Variants in GLIS3 observed in about 807,000 individuals in gnomAD.
GLIS3 encodes the protein GLIS family zinc finger 3.
In GLIS3, 53 loss-of-function variants were observed where a neutral mutation model predicts 78.6. That is an observed-to-expected ratio of 0.67 (90% CI 0.54 to 0.85). The LOEUF is 0.85. GLIS3 is among the 40% of genes least tolerant of loss of function. The pLI is 0.00. For synonymous variants in GLIS3, 684 were observed against 509.9 expected (o/e 1.34, Z -4.60); for missense variants, 1,703 against 1,231.1 (o/e 1.38, Z -5.74).
In GLIS3 at chr9:4,118,605, G is replaced by T. The variant is rs993965601; in HGVS notation, c.873C>A (p.Thr291=). 1.9e-6 allele frequency: 3 copies of T among 1,614,224 alleles called. No individual in the cohort carries two copies. The highest frequency in any genetic ancestry group is 2.5e-6 in the Non-Finnish European group (3 of 1,180,034). The change falls in exon 4 of 11, where the codon ACC becomes ACA. Residue 291 remains threonine (T), a synonymous_variant. Coordinates refer to ENST00000381971, the MANE Select transcript of GLIS3 (RefSeq NM_001042413.2). This position sits in a 1 kb window ranked among gnomAD's most constrained non-coding sequence, Gnocchi z 4.7. ...SPYPSPRHSS[T]RSHSARSKKR... Reference sequence around the variant, plus strand: ...TCTTGGAGCGGGCCGAGTGGGACCTGGTGGATGAGTGCCGAGGACTAGGGT... The same window carrying T: ...TCTTGGAGCGGGCCGAGTGGGACCTTGTGGATGAGTGCCGAGGACTAGGGT...
At chr9:4,234,020 T>C (rs1218223638) in intron 2 of GLIS3, among the ~76,000 whole-genome samples, 1 of 152,232 alleles carries the variant, frequency 6.6e-6, no homozygotes, top group African/African-American at 2.4e-5. Flanking sequence ...TCAGCCTTTG[T>C]AACACTGAAG....
chr9:4,217,123 G>T (rs542186532), intron 2 of GLIS3, among the ~76,000 whole-genome samples: 1 of 152,070 alleles, frequency 6.6e-6, no homozygotes, highest in African/African-American at 2.4e-5. Context: ...AATTAAATGC[G>T]GTCTGGAAAC....
chr9:3,943,611 G>A (rs929652182), intron 4 of GLIS3, among the ~76,000 whole-genome samples: 11 of 152,236 alleles, frequency 7.2e-5, no homozygotes, highest in Admixed American at 4.6e-4. Context: ...AGGGAAATCA[G>A]TGTAACCCAA....
chr9:4,335,189 T>C (rs903372309), intron 2 of GLIS3, among the ~76,000 whole-genome samples: 1 of 152,188 alleles, frequency 6.6e-6, no homozygotes, highest in Admixed American at 6.5e-5. Flanking sequence ...ATTACAGGCA[T>C]GAGCCACCGT....
chr9:3,849,678 C>T (rs567543034), intron 9 of GLIS3, among the ~76,000 whole-genome samples: 2 of 152,170 alleles, frequency 1.3e-5, no homozygotes, highest in South Asian at 2.1e-4. Context: ...GAGGCTGGGG[C>T]GGGTGGATCA....
intron 2 of GLIS3, among the ~76,000 whole-genome samples, chr9:4,224,724 T>C (rs952746471): frequency 1.3e-5 from 2 of 151,400 alleles, no homozygotes; most frequent in African/African-American, 4.8e-5. Context: ...TTTTTCTGTT[T>C]TTTTTTTTTT....
chr9:4,113,295 TA>T (rs1393207520), intron 4 of GLIS3, among the ~76,000 whole-genome samples: 1 of 152,106 alleles, frequency 6.6e-6, no homozygotes, highest in South Asian at 2.1e-4. Flanking sequence ...ACAAAAGCAA[TA>T]AACACCTTTT....
At chr9:4,385,621 C>T in the GLIS3 span, among the ~76,000 whole-genome samples, 24 of 134,160 alleles carry the variant, frequency 1.8e-4, 1 homozygote, top group Non-Finnish European at 2.6e-4. Flanking sequence ...GCTGAGATCA[C>T]GCTATTGCAC....
chr9:3,959,556 T>A (rs1462147414), intron 4 of GLIS3, among the ~76,000 whole-genome samples: 1 of 152,096 alleles, frequency 6.6e-6, no homozygotes, highest in South Asian at 2.1e-4. Flanking sequence ...TGTGATCCAA[T>A]CTCTGCCACA....
chr9:3,833,775 C>G (rs1270996002), intron 9 of GLIS3, among the ~76,000 whole-genome samples: 1 of 152,160 alleles, frequency 6.6e-6, no homozygotes, highest in African/African-American at 2.4e-5. Context: ...AATCACCCCT[C>G]TACTTTAAAA....
At chr9:4,398,206 T>C in the GLIS3 span, among the ~76,000 whole-genome samples, 1 of 144,840 alleles carries the variant, frequency 6.9e-6, no homozygotes, top group African/African-American at 2.6e-5. Context: ...CCTCACAAAA[T>C]TGCTGAGGCA....
intron 1 of GLIS3, chr9:4,347,319 G>C (rs1817909027): frequency 4.6e-5 from 7 of 152,074 alleles, no homozygotes; most frequent in Admixed American, 4.6e-4. Flanking sequence ...CTACTCATGA[G>C]GGATCTGCCC....
At chr9:4,394,259 T>G in the GLIS3 span, among the ~76,000 whole-genome samples, 2 of 151,612 alleles carry the variant, frequency 1.3e-5, no homozygotes, top group Non-Finnish European at 2.9e-5. Context: ...TTAAAAATTA[T>G]TATCTCATAA....
At chr9:4,487,089 T>C in the GLIS3 span, among the ~76,000 whole-genome samples, 5 of 152,172 alleles carry the variant, frequency 3.3e-5, no homozygotes, top group Admixed American at 6.5e-5. Flanking sequence ...ATTCTCCACC[T>C]ACTGGGTTCA....
At chr9:4,181,456 G>A (rs375346934) in intron 2 of GLIS3, among the ~76,000 whole-genome samples, 19 of 152,302 alleles carry the variant, frequency 1.2e-4, no homozygotes, top group African/African-American at 4.3e-4. Context: ...CTGCCATGCT[G>A]GCTTACACAG....
intron 2 of GLIS3, among the ~76,000 whole-genome samples, chr9:4,165,269 C>T (rs1365740017): frequency 6.6e-6 from 1 of 151,580 alleles, no homozygotes; most frequent in African/African-American, 2.4e-5. Flanking sequence ...GGTGAAACCC[C>T]ATCTCTCCTA....
At chr9:3,853,402 CACTT>C (rs1819558538) in intron 9 of GLIS3, among the ~76,000 whole-genome samples, 1 of 152,090 alleles carries the variant, frequency 6.6e-6, no homozygotes, top group Non-Finnish European at 1.5e-5. Flanking sequence ...GAGTGTCAAT[CACTT>C]AGTCAGTAAA....
At chr9:3,898,857 G>C (rs762263594) in intron 6 of GLIS3, 22 bp from the exon 7 acceptor site, 2 of 1,613,650 alleles carry the variant, frequency 1.2e-6, no homozygotes, top group South Asian at 1.1e-5. Context: ...AAACGGAAGA[G>C]ACATCGATAA....
intron 8 of GLIS3, among the ~76,000 whole-genome samples, chr9:3,865,402 C>A (rs570420035): frequency 6.6e-6 from 1 of 152,188 alleles, no homozygotes; most frequent in African/African-American, 2.4e-5. Flanking sequence ...CTTTGACCAG[C>A]CTATTCTATG....
Sources: gnomAD v4.1 joint callset for allele counts (sites outside exome capture counted in the v4.1 genomes callset) on GRCh38, gnomAD v4.1.1 for gene constraint, Gnocchi (gnomAD v3.1) non-coding constraint, MANE v1.5 for transcripts, NCBI Gene and HGNC (gene_info 2026-07-23, HGNC 2026-07-21) for gene names.